Variants in SERPINB2 observed in about 807,000 individuals in gnomAD.
The protein encoded by SERPINB2 is serpin family B member 2, also known as plasminogen activator inhibitor 2.
In SERPINB2, 28 loss-of-function variants were observed where a neutral mutation model predicts 39.4. The ratio of observed to expected loss-of-function variants is 0.71; its 90% CI spans 0.53 to 0.97. The LOEUF is 0.97. SERPINB2 is among the 50% of genes least tolerant of loss of function. The pLI is 0.00. For synonymous variants in SERPINB2, 209 were observed against 175.1 expected (o/e 1.19, Z -1.53); for missense variants, 557 against 505.3 (o/e 1.10, Z -0.98).
chr18:63,903,328 A>G lies in SERPINB2; in HGVS notation c.*23A>G. On this transcript the variant is annotated 3_prime_UTR_variant, in exon 8 of 8. Coordinates refer to ENST00000299502, the MANE Select transcript of SERPINB2 (RefSeq NM_002575.3). ...TAAAACTAAGCGTGCTGCTTCTGCA[A>G]AAGATTTTTGTAGATGAGCTGTGTG... The G allele has an allele frequency of 2.0e-6, 3 of 1,474,524 alleles. No homozygotes were observed. Among genetic ancestry groups the G allele is most frequent in the Non-Finnish European group, 2.7e-6 (3 of 1,113,082 alleles). 91.3% of individuals were successfully genotyped at this position (1,474,524 alleles called of 1,614,324 possible).
At chr18:63,898,029 C>A (rs2049971639) in intron 5 of SERPINB2, among the ~76,000 whole-genome samples, 185 bp downstream of exon 5, 2 of 152,120 alleles carry the variant, frequency 1.3e-5, no homozygotes, top group Non-Finnish European at 1.5e-5. Flanking sequence ...ATAATTGAGG[C>A]CTACTAATAG....
intron 5 of SERPINB2, among the ~76,000 whole-genome samples, chr18:63,898,464 TTTA>T (rs1254557565): frequency 6.6e-6 from 1 of 152,254 alleles, no homozygotes; most frequent in Non-Finnish European, 1.5e-5. Context: ...TGTAATTTAG[TTTA>T]TTAAGTCATT....
At chr18:63,893,321 A>G (rs1005436962) in intron 2 of SERPINB2, among the ~76,000 whole-genome samples, 1 of 152,192 alleles carries the variant, frequency 6.6e-6, no homozygotes, top group Admixed American at 6.5e-5. Context: ...TAAAGTAAAA[A>G]TCTTGATTTT....
Position 63,902,549 on chromosome 18 carries a change from T to C in SERPINB2, c.824T>C (p.Val275Ala). The C allele has an allele frequency of 6.2e-7, 1 of 1,613,052 alleles. No individual in the cohort carries two copies. The highest frequency in any genetic ancestry group is 2.2e-5 in the East Asian group (1 of 44,846). ...TTGCTTCCAGATGAAATTGCCGATG[T>C]GTCCACTGGCTTGGAGCTGGTAAGA... Reference protein sequence around the residue: ...FLLLPDEIADVSTGLELLESE... With the variant: ...FLLLPDEIADASTGLELLESE... The change falls in exon 7 of 8, where the codon GTG becomes GCG. Residue 275 changes from valine to alanine, a missense_variant. Coordinates refer to ENST00000299502, the MANE Select transcript of SERPINB2 (RefSeq NM_002575.3).
At chr18:63,892,985 T>G (rs1207215294) in intron 2 of SERPINB2, among the ~76,000 whole-genome samples, 1 of 152,066 alleles carries the variant, frequency 6.6e-6, no homozygotes, top group Non-Finnish European at 1.5e-5. Flanking sequence ...CAGGCTGGAG[T>G]GCAGTGGTGC....
At chr18:63,896,102 A>G (rs2049957749) in intron 3 of SERPINB2, among the ~76,000 whole-genome samples, 1 of 152,186 alleles carries the variant, frequency 6.6e-6, no homozygotes, top group Non-Finnish European at 1.5e-5. Flanking sequence ...GAGGTAGATT[A>G]TGAAGAGGTA....
In SERPINB2 at chr18:63,899,567, T is replaced by A. The variant is rs115513071; in HGVS notation, c.535+1723T>A. Among the ~76,000 whole-genome samples the A allele has an allele frequency of 5.7e-3, 873 of 152,256 alleles. 10 individuals are homozygous for A. Among genetic ancestry groups the A allele is most frequent in the African/African-American group, 0.02 (813 of 41,566 alleles). ...TTATGATCTGTTAGGATTGAAAATG[T>A]CCTAAGAGAGCTCCTATCCATCTTA... On this transcript the variant is annotated intron_variant, in intron 5 of 7. Coordinates refer to ENST00000299502, the MANE Select transcript of SERPINB2 (RefSeq NM_002575.3).
rs566197977 is a variant in SERPINB2, at chr18:63,888,732, G to A, written c.-10+962G>A. Among the ~76,000 whole-genome samples the A allele has an allele frequency of 2.6e-5, 4 of 152,242 alleles. No homozygotes were observed. The East Asian group carries it at 7.7e-4, about 29-fold the overall frequency. ...GCAGGAACCAACACACACACCACCA[G>A]GAAGCCCAACCCTGCATATTACTCC... On this transcript the variant is annotated intron_variant, in intron 1 of 7. Coordinates refer to ENST00000299502, the MANE Select transcript of SERPINB2 (RefSeq NM_002575.3).
chr18:63,895,945 T>C (rs2049956970), intron 3 of SERPINB2, among the ~76,000 whole-genome samples: 1 of 152,228 alleles, frequency 6.6e-6, no homozygotes, highest in Non-Finnish European at 1.5e-5. Context: ...GTCATCTGTC[T>C]ATCTTATCTA....
At position 63,900,921 on chromosome 18, in the gene SERPINB2, A is replaced by C. The variant is rs141175671; in HGVS notation, c.536-819A>C. On this transcript the variant is annotated intron_variant, in intron 5 of 7. Coordinates refer to ENST00000299502, the MANE Select transcript of SERPINB2 (RefSeq NM_002575.3). ...GCATTGTAACGTTGGGAAGACTGCT[A>C]ACCTGGTGGTGTCCTTTTGCATAAA... Among the ~76,000 whole-genome samples, 873 of 152,284 alleles carry C rather than the reference A, an allele frequency of 5.7e-3. 10 individuals are homozygous for C. Among genetic ancestry groups the C allele is most frequent in the African/African-American group, 0.02 (813 of 41,568 alleles).
At chr18:63,890,548 T>C (rs926234445) in intron 1 of SERPINB2, 2 of 152,258 alleles carry the variant, frequency 1.3e-5, no homozygotes, top group Admixed American at 6.5e-5. Context: ...GGTGTGAGCA[T>C]GCATTCAGTT....
rs531700310 is a variant in SERPINB2, at chr18:63,903,529, A to G, written c.*224A>G. ...GGTCTTCTAAAATGGGATCATGCCC[A>G]TTTAGATTTTCCTTACTATCAGTTT... is the stretch of plus-strand genomic sequence containing the variant. On this transcript the variant is annotated 3_prime_UTR_variant, in exon 8 of 8. Transcript: ENST00000299502. 42 of 338,740 alleles carry G rather than the reference A, an allele frequency of 1.2e-4. No individual in the cohort carries two copies. The East Asian group carries it at 1.8e-3, about 15-fold the overall frequency. 21.0% of individuals were successfully genotyped at this position (338,740 alleles called of 1,614,324 possible).
intron 1 of SERPINB2, chr18:63,890,004 T>A (rs2049915714): frequency 6.6e-6 from 1 of 152,252 alleles, no homozygotes; most frequent in East Asian, 1.9e-4. Flanking sequence ...ACAAGTTACT[T>A]AATGTTTCTG....
At chr18:63,898,785 G>A (rs183220863) in intron 5 of SERPINB2, among the ~76,000 whole-genome samples, 1 of 152,128 alleles carries the variant, frequency 6.6e-6, no homozygotes, top group Non-Finnish European at 1.5e-5. Flanking sequence ...CAGGTGGAGG[G>A]TGCATGCCTG....
At chr18:63,887,865 TG>T (rs1484803493) in intron 1 of SERPINB2, 95 bp downstream of exon 1, 4 of 151,778 alleles carry the variant, frequency 2.6e-5, no homozygotes, top group Non-Finnish European at 5.9e-5. Flanking sequence ...AATTTGGATG[TG>T]GGGTGTTTGT....
At chr18:63,901,255 C>A (rs1259844594) in intron 5 of SERPINB2, among the ~76,000 whole-genome samples, 1 of 152,148 alleles carries the variant, frequency 6.6e-6, no homozygotes, top group East Asian at 1.9e-4. Context: ...TTCTTCCTTT[C>A]TCATCTCTTG....
intron 1 of SERPINB2, among the ~76,000 whole-genome samples, chr18:63,889,671 A>G (rs1308873370): frequency 6.6e-6 from 1 of 152,114 alleles, no homozygotes; most frequent in African/African-American, 2.4e-5. Flanking sequence ...TTAATTATGA[A>G]GACAATTTTA....
intron 5 of SERPINB2, among the ~76,000 whole-genome samples, chr18:63,900,679 G>A (rs1042994641): frequency 6.6e-6 from 1 of 152,114 alleles, no homozygotes; most frequent in African/African-American, 2.4e-5. Context: ...ACTCCAAGGT[G>A]TTGCCATCAC....
At chr18:63,900,345 T>C (rs2049983920) in intron 5 of SERPINB2, among the ~76,000 whole-genome samples, 1 of 152,194 alleles carries the variant, frequency 6.6e-6, no homozygotes. Context: ...AAGATGAAAC[T>C]GATGCAAGGC....
Sources: gnomAD v4.1 joint callset for allele counts (sites outside exome capture counted in the v4.1 genomes callset) on GRCh38, gnomAD v4.1.1 for gene constraint, MANE v1.5 for transcripts, NCBI Gene and HGNC (gene_info 2026-07-23, HGNC 2026-07-21) for gene names.